Variants in MTCL1 observed in about 807,000 individuals in gnomAD.
The protein encoded by MTCL1 is microtubule cross-linking factor 1.
A neutral mutation model predicts 141.4 loss-of-function variants in MTCL1; 79 were observed. The observed-to-expected ratio is 0.56, with a 90% CI of 0.47 to 0.67. The LOEUF is 0.67. Among genes scored for constraint, MTCL1 ranks in the 30% least tolerant of loss-of-function variants. The pLI is 0.00. For synonymous variants in MTCL1, 914 were observed against 875.8 expected, an observed-to-expected ratio of 1.04 and a Z score of -0.77; for missense variants, 2,177 against 2,113.9, an observed-to-expected ratio of 1.03 and a Z score of -0.59.
chr18:8,726,534 C>T (rs1185616026), intron 4 of MTCL1, among the ~76,000 whole-genome samples: 1 of 75,928 alleles, frequency 1.3e-5, no homozygotes, highest in Non-Finnish European at 2.8e-5. Flanking sequence ...AGAGCGAGTG[C>T]GCATGCGCGC....
chr18:8,780,460 G>A lies in MTCL1; in HGVS notation c.417+2568G>A, dbSNP rs560667979. Among the ~76,000 whole-genome samples, 17 of 152,338 alleles carry A rather than the reference G, an allele frequency of 1.1e-4. No homozygotes were observed. In the East Asian group the frequency reaches 2.9e-3, roughly 26 times the overall value. On this transcript the variant is annotated intron_variant, in intron 5 of 16. Transcript: ENST00000359865. ...CCAGGCTCAAGAAGGGTGGAGAGTG[G>A]GGCTGAGTTTCCTTGCAGCTGGACA...
Position 8,786,110 on chromosome 18 carries a change from T to TGGGGGGGGGGGGGGGGGGGG in MTCL1, c.1887+19_1887+20insGGGGGGGGGGGGGGGGGGGG. On this transcript the variant is annotated intron_variant, in intron 7 of 16. Coordinates refer to ENST00000359865, the Ensembl canonical transcript of MTCL1. ...CCTGGAGGTCAGCGTGGGCAAGCAA[T>TGGGGGGGGGGGGGGGGGGGG]CCCCCCCCCCCGCCCTCCCCCTCCT... 1 of 1,310,344 alleles carries TGGGGGGGGGGGGGGGGGGGG rather than the reference T, an allele frequency of 7.6e-7. No individual in the cohort carries two copies. The highest frequency in any genetic ancestry group is 1.0e-6 in the Non-Finnish European group (1 of 990,148). 81.2% of individuals were successfully genotyped at this position (1,310,344 alleles called of 1,614,324 possible). A position where few individuals can be genotyped will look rare whatever the true frequency, so the allele number is the denominator to read the frequency against.
chr18:8,735,578 GGGGA>G (rs2096270982), intron 4 of MTCL1, among the ~76,000 whole-genome samples: 1 of 152,158 alleles, frequency 6.6e-6, no homozygotes, highest in Non-Finnish European at 1.5e-5. Context: ...AGGAGGTTCA[GGGGA>G]GTTTGCCAGC....
chr18:8,793,110 A>G (rs2075793528), exon 8 of MTCL1: 1 of 1,613,838 alleles, frequency 6.2e-7, no homozygotes, highest in Admixed American at 1.7e-5. Context: ...TTTACAAACA[A>G]GATCCATAAG....
intron 4 of MTCL1, among the ~76,000 whole-genome samples, chr18:8,746,629 T>A (rs2096339857): frequency 6.6e-6 from 1 of 152,172 alleles, no homozygotes; most frequent in African/African-American, 2.4e-5. Context: ...CACGGAAGCC[T>A]TCTCTCGAGC....
At chr18:8,722,175 C>T (rs2096177715) in intron 4 of MTCL1, among the ~76,000 whole-genome samples, 1 of 152,140 alleles carries the variant, frequency 6.6e-6, no homozygotes, top group Admixed American at 6.5e-5. Context: ...AATTTCCTTT[C>T]TCAGTTTGAG....
At chr18:8,820,704 C>T (rs181615847) in intron 13 of MTCL1, among the ~76,000 whole-genome samples, 4 of 152,224 alleles carry the variant, frequency 2.6e-5, no homozygotes, top group South Asian at 2.1e-4. Context: ...GGAGCCTGTG[C>T]GTGGGTTCCA....
chr18:8,742,320 T>C (rs2096308545), intron 4 of MTCL1, among the ~76,000 whole-genome samples: 1 of 152,212 alleles, frequency 6.6e-6, no homozygotes, highest in Non-Finnish European at 1.5e-5. Context: ...TCTCCCTCTG[T>C]ATTAGTGCGT....
intron 7 of MTCL1, among the ~76,000 whole-genome samples, chr18:8,792,284 C>T (rs1447585254): frequency 6.6e-6 from 1 of 152,200 alleles, no homozygotes; most frequent in Non-Finnish European, 1.5e-5. Flanking sequence ...GTGCCTGACT[C>T]CTCTATCATG....
At chr18:8,715,395 T>G (rs529056633), upstream of MTCL1, among the ~76,000 whole-genome samples, 1 of 152,348 alleles carries the variant, frequency 6.6e-6, no homozygotes, top group Non-Finnish European at 1.5e-5. Context: ...CAGGCATTAA[T>G]GACTTTGGCA....
upstream of MTCL1, among the ~76,000 whole-genome samples, chr18:8,715,458 G>A (rs2096122808): frequency 1.3e-5 from 2 of 152,170 alleles, no homozygotes; most frequent in South Asian, 4.1e-4. Context: ...GAACAGAATG[G>A]CCAGAGTCAC....
At chr18:8,829,990 A>G in intron 16 of MTCL1, 2 of 985,496 alleles carry the variant, frequency 2.0e-6, no homozygotes, top group South Asian at 4.7e-5. Flanking sequence ...GCGGAACGGG[A>G]TACGGTGGTG....
chr18:8,782,919 G>C (rs2143485122), intron 5 of MTCL1, among the ~76,000 whole-genome samples: 2 of 152,324 alleles, frequency 1.3e-5, no homozygotes, highest in Middle Eastern at 6.8e-3. Flanking sequence ...ACCGGGATGG[G>C]GAGAAGCGAA....
At chr18:8,728,449 A>G (rs1244745325) in intron 4 of MTCL1, among the ~76,000 whole-genome samples, 3 of 151,920 alleles carry the variant, frequency 2.0e-5, no homozygotes, top group South Asian at 4.1e-4. Context: ...CATAATTTTT[A>G]TTTTTGAAGC....
exon 15 of MTCL1, chr18:8,825,590 T>C (rs774320516): frequency 1.2e-6 from 2 of 1,613,640 alleles, no homozygotes; most frequent in Middle Eastern, 1.6e-4. Flanking sequence ...CCGTGTCGTC[T>C]CCTTCCCGGA....
At chr18:8,786,115 C>CCCA (rs754805748) in intron 7 of MTCL1, 24 bp downstream of exon 6, 9 of 1,388,262 alleles carry the variant, frequency 6.5e-6, no homozygotes, top group Admixed American at 2.6e-5. Flanking sequence ...AGCAATCCCC[C>CCCA]CCCCCCGCCC....
chr18:8,792,953 G>C, intron 7 of MTCL1, 45 bp from the exon 7 acceptor site: 1 of 1,608,154 alleles, frequency 6.2e-7, no homozygotes, highest in Non-Finnish European at 8.5e-7. Context: ...ACCTCAGGCA[G>C]AGTTCTCATT....
chr18:8,724,708 C>T (rs946018707), intron 4 of MTCL1, among the ~76,000 whole-genome samples: 28 of 152,298 alleles, frequency 1.8e-4, no homozygotes, highest in African/African-American at 6.7e-4. Context: ...CACTCCAGGG[C>T]TGTAAACGTT....
In MTCL1 at chr18:8,734,415, G is replaced by A. The variant is rs531322094; in HGVS notation, c.357+13919G>A. 8.5e-5 allele frequency among the ~76,000 whole-genome samples: 13 copies of A among 152,224 alleles called. No homozygotes were observed. In the South Asian group the frequency reaches 2.7e-3, roughly 32 times the overall value. ...AAACTCTCTTGTCTCCCTTCTTACTGTCTCAGGTCACACCCTGCTCCGGAG... is the reference window on the plus strand; with the variant it reads ...AAACTCTCTTGTCTCCCTTCTTACTATCTCAGGTCACACCCTGCTCCGGAG... On this transcript the variant is annotated intron_variant, in intron 4 of 16. Coordinates refer to ENST00000359865, the Ensembl canonical transcript of MTCL1.
Sources: gnomAD v4.1 joint callset for allele counts (sites outside exome capture counted in the v4.1 genomes callset) on GRCh38, gnomAD v4.1.1 for gene constraint, MANE v1.5 for transcripts, NCBI Gene and HGNC (gene_info 2026-07-23, HGNC 2026-07-21) for gene names.